EPHA4: variants seen among roughly 807,000 people sequenced by gnomAD.
EPHA4 encodes the protein EPH receptor A4, also known as ephrin type-A receptor 4.
In EPHA4, 19 loss-of-function variants were observed where a neutral mutation model predicts 108.3. The ratio of observed to expected loss-of-function variants is 0.18; its 90% confidence interval spans 0.12 to 0.26. The LOEUF is 0.26. Ranked by LOEUF, EPHA4 falls within the 10% of genes least tolerant of loss-of-function variation. The pLI is 1.00. For missense variants in EPHA4, 917 were observed against 1,254.0 expected, an observed-to-expected ratio of 0.73 and a Z score of 4.06; for synonymous variants, 449 against 455.5, an observed-to-expected ratio of 0.99 and a Z score of 0.18.
intron 3 of EPHA4, chr2:221,502,445 G>A (rs907948252): frequency 2.1e-6 from 1 of 465,284 alleles, no homozygotes; most frequent in African/African-American, 2.0e-5. Context: ...AGAAACAGCA[G>A]TGGGGAGAAG....
At chr2:221,516,543 T>TG (rs1184609067) in intron 3 of EPHA4, among the ~76,000 whole-genome samples, 1 of 152,062 alleles carries the variant, frequency 6.6e-6, no homozygotes, top group Non-Finnish European at 1.5e-5. Flanking sequence ...TTAGTAGAAA[T>TG]GGGGTTTTAC....
At chr2:221,569,059 G>T (rs6748287) in intron 1 of EPHA4, among the ~76,000 whole-genome samples, 11,607 of 152,212 alleles carry the variant, frequency 0.076, 1,455 homozygotes, top group African/African-American at 0.26. Context: ...GATGAATAGA[G>T]AATCTGAAGT....
chr2:221,447,496 T>C (rs575036877), intron 8 of EPHA4, among the ~76,000 whole-genome samples: 6 of 152,276 alleles, frequency 3.9e-5, no homozygotes, highest in African/African-American at 1.4e-4. Flanking sequence ...CCCGGTCACA[T>C]GCTCCAACCT....
At chr2:221,501,368 C>T (rs1413631002) in intron 3 of EPHA4, 196 bp from the exon 4 acceptor site, 3 of 454,380 alleles carry the variant, frequency 6.6e-6, no homozygotes, top group Non-Finnish European at 1.1e-5. Context: ...CATTAACATT[C>T]CTGGTCAGGT....
chr2:221,488,613 T>A (rs1464828593), intron 4 of EPHA4, among the ~76,000 whole-genome samples: 2 of 152,230 alleles, frequency 1.3e-5, no homozygotes, highest in African/African-American at 4.8e-5. Flanking sequence ...TAGTGGGATG[T>A]CACCTCACAT....
intron 3 of EPHA4, among the ~76,000 whole-genome samples, chr2:221,525,836 T>TAC (rs753227177): frequency 3.3e-4 from 51 of 152,298 alleles, no homozygotes; most frequent in Non-Finnish European, 6.3e-4. Flanking sequence ...GGAAAGGGTC[T>TAC]ACCAAGTACT....
intron 3 of EPHA4, among the ~76,000 whole-genome samples, chr2:221,520,362 C>A (rs1057378324): frequency 6.6e-5 from 10 of 152,198 alleles, no homozygotes; most frequent in Admixed American, 4.6e-4. Flanking sequence ...CATTGCTACA[C>A]TGGGGAATCA....
At chr2:221,495,137 A>G (rs906588867) in intron 4 of EPHA4, among the ~76,000 whole-genome samples, 1 of 152,218 alleles carries the variant, frequency 6.6e-6, no homozygotes, top group African/African-American at 2.4e-5. Flanking sequence ...CAGCAAAATT[A>G]AAAAGAAAAA....
At chr2:221,548,551 T>C (rs1694071783) in intron 3 of EPHA4, among the ~76,000 whole-genome samples, 1 of 143,462 alleles carries the variant, frequency 7.0e-6, no homozygotes, top group African/African-American at 2.5e-5. Flanking sequence ...AAACCACTTT[T>C]TTTTTTTAAT....
chr2:221,454,537 CT>C (rs1445828430), intron 8 of EPHA4, among the ~76,000 whole-genome samples: 1 of 152,202 alleles, frequency 6.6e-6, no homozygotes, highest in Non-Finnish European at 1.5e-5. Context: ...TAAGAGGATC[CT>C]TTTGACATCC....
intron 3 of EPHA4, among the ~76,000 whole-genome samples, chr2:221,542,536 T>C (rs1275807967): frequency 1.3e-5 from 2 of 152,236 alleles, no homozygotes; most frequent in Non-Finnish European, 2.9e-5. Context: ...ATGAAGTCAT[T>C]TTCCTTTCCA....
At chr2:221,473,201 G>A (rs1256387668) in intron 5 of EPHA4, among the ~76,000 whole-genome samples, 1 of 152,144 alleles carries the variant, frequency 6.6e-6, no homozygotes, top group Non-Finnish European at 1.5e-5. Context: ...GAAAGCATGA[G>A]TACAGGTTGT....
At chr2:221,454,397 G>A (rs997553417) in intron 8 of EPHA4, among the ~76,000 whole-genome samples, 1 of 152,148 alleles carries the variant, frequency 6.6e-6, no homozygotes, top group Admixed American at 6.5e-5. Context: ...CTGGCCTGAG[G>A]GCCAAGCACA....
Position 221,497,646 on chromosome 2 carries a change from G to A in EPHA4, c.979+3371C>T, listed in dbSNP as rs112812756. Among the ~76,000 whole-genome samples, 309 of 152,068 alleles carry A rather than the reference G, an allele frequency of 2.0e-3. 1 individual carries two copies. The highest frequency in any genetic ancestry group is 3.6e-3 in the Non-Finnish European group (248 of 67,982). ...CCAGCTACTCGGGAGGCTGAGGCAG[G>A]AGAATCACAAACCCGGGAGGTGGAG... On this transcript the variant is annotated intron_variant, in intron 4 of 17. Transcript: ENST00000281821.
intron 5 of EPHA4, among the ~76,000 whole-genome samples, chr2:221,467,435 T>A (rs1439310509): frequency 6.6e-6 from 1 of 152,226 alleles, no homozygotes; most frequent in Admixed American, 6.5e-5. Context: ...CAATATTTAG[T>A]ATACCTCCTG....
chr2:221,523,512 C>T (rs551064538), intron 3 of EPHA4, among the ~76,000 whole-genome samples: 13 of 152,234 alleles, frequency 8.5e-5, no homozygotes, highest in Admixed American at 7.2e-4. Flanking sequence ...GTCTTGAACT[C>T]CCAACCTCAG....
At chr2:221,556,476 T>TTTC (rs1459075802) in intron 3 of EPHA4, among the ~76,000 whole-genome samples, 1 of 150,942 alleles carries the variant, frequency 6.6e-6, no homozygotes, top group African/African-American at 2.4e-5. Flanking sequence ...TTTGTATTTT[T>TTTC]TTTTTTTTTT....
In EPHA4 at chr2:221,572,150, G is replaced by C. The variant is rs1313042571; in HGVS notation, c.91+8C>G. The C allele has an allele frequency of 6.2e-7, 1 of 1,612,510 alleles. No individual in the cohort carries two copies. On this transcript the variant is annotated splice_region_variant and intron_variant, in intron 1 of 17. Coordinates refer to ENST00000281821, the MANE Select transcript of EPHA4 (RefSeq NM_004438.5). ...TCCCCGACCACAGAAAGGCCGTCCC[G>C]CTCTTACCTTCATTCGCGGGGTATA...
chr2:221,458,284 G>A (rs537452802), intron 5 of EPHA4, among the ~76,000 whole-genome samples: 1 of 152,256 alleles, frequency 6.6e-6, no homozygotes, highest in East Asian at 1.9e-4. Flanking sequence ...AAGGCTGTAG[G>A]TACAGAGAAG....
Sources: gnomAD v4.1 joint callset for allele counts (sites outside exome capture counted in the v4.1 genomes callset) on GRCh38, gnomAD v4.1.1 for gene constraint, MANE v1.5 for transcripts, NCBI Gene and HGNC (gene_info 2026-07-23, HGNC 2026-07-21) for gene names.